LRRTM4: variants seen among roughly 807,000 people sequenced by gnomAD.
LRRTM4 encodes leucine-rich repeat transmembrane neuronal protein 4.
LRRTM4 carries 25 observed loss-of-function variants against 47.6 expected under a neutral mutation model. That is an observed-to-expected ratio of 0.53 (90% CI 0.38 to 0.73). The LOEUF (loss-of-function observed/expected upper bound fraction) is 0.73. Ranked by LOEUF, LRRTM4 falls within the 30% of genes least tolerant of loss-of-function variation. The pLI is 0.00. For synonymous variants in LRRTM4, 311 were observed against 269.5 expected (o/e 1.15, Z -1.51); for missense variants, 638 against 713.4 (o/e 0.89, Z 1.20).
At chr2:77,404,824 A>C (rs930469944) in intron 3 of LRRTM4, among the ~76,000 whole-genome samples, 18 of 152,132 alleles carry the variant, frequency 1.2e-4, no homozygotes, top group African/African-American at 3.9e-4. Context: ...AGCTAATTAA[A>C]AATGGCCACA....
intron 3 of LRRTM4, among the ~76,000 whole-genome samples, chr2:77,312,829 T>A (rs902531436): frequency 7.9e-5 from 12 of 152,228 alleles, no homozygotes; most frequent in Admixed American, 3.3e-4. Context: ...CATTCTAGAA[T>A]ATGTTAAGGG....
At chr2:77,289,195 A>G (rs866544779) in intron 3 of LRRTM4, among the ~76,000 whole-genome samples, 20 of 151,554 alleles carry the variant, frequency 1.3e-4, no homozygotes, top group African/African-American at 4.9e-4. Flanking sequence ...GCATATTTTT[A>G]TAGTTCCTTT....
chr2:77,507,920 A>G (rs1474186782), intron 3 of LRRTM4, among the ~76,000 whole-genome samples: 28 of 152,130 alleles, frequency 1.8e-4, no homozygotes, highest in Non-Finnish European at 1.5e-5. Flanking sequence ...AAAAAGATCT[A>G]TGATGCTGAC....
At chr2:77,447,345 T>C (rs1344952367) in intron 3 of LRRTM4, among the ~76,000 whole-genome samples, 1 of 152,086 alleles carries the variant, frequency 6.6e-6, no homozygotes, top group Non-Finnish European at 1.5e-5. Context: ...TGTGTACAGA[T>C]ATAAATATAT....
chr2:77,105,233 C>T (rs539275249), intron 3 of LRRTM4, among the ~76,000 whole-genome samples: 3 of 151,968 alleles, frequency 2.0e-5, no homozygotes, highest in African/African-American at 7.3e-5. Flanking sequence ...AAAACAGCAA[C>T]GTCTGGAGAT....
intron 3 of LRRTM4, among the ~76,000 whole-genome samples, chr2:77,160,070 T>C (rs972641224): frequency 2.6e-5 from 4 of 152,192 alleles, no homozygotes; most frequent in Admixed American, 2.6e-4. Context: ...CTTGAATTTC[T>C]CCAAGATGCA....
At chr2:76,816,069 G>A (rs1670887719) in intron 3 of LRRTM4, among the ~76,000 whole-genome samples, 1 of 151,880 alleles carries the variant, frequency 6.6e-6, no homozygotes, top group Non-Finnish European at 1.5e-5. Context: ...TACAACCTGG[G>A]GGAGATCAAA....
At chr2:76,839,793 C>A (rs1234067386) in intron 3 of LRRTM4, among the ~76,000 whole-genome samples, 2 of 151,640 alleles carry the variant, frequency 1.3e-5, no homozygotes, top group African/African-American at 4.8e-5. Flanking sequence ...CATCTAAATA[C>A]AATTTTATTT....
chr2:77,090,076 G>A (rs1376570456), intron 3 of LRRTM4, among the ~76,000 whole-genome samples: 1 of 152,032 alleles, frequency 6.6e-6, no homozygotes, highest in Non-Finnish European at 1.5e-5. Flanking sequence ...GCCAGGCTGA[G>A]CTAGGTCCCA....
At chr2:76,894,534 T>C (rs2065375) in intron 3 of LRRTM4, among the ~76,000 whole-genome samples, 54,143 of 151,954 alleles carry the variant, frequency 0.36, 10,485 homozygotes, top group East Asian at 0.72. Context: ...AACAGGTCAG[T>C]TGATTATCCA....
rs1465536053 is a variant in LRRTM4, at chr2:76,884,652, A to G, written c.1552-135736T>C. ...GGTTTTGTTTAAAAAGACAAAAACA[A>G]AACAAACTTAGGCATGGTAGAGAAA... On this transcript the variant is annotated intron_variant, in intron 3 of 3. Coordinates refer to ENST00000409884, the MANE Select transcript of LRRTM4 (RefSeq NM_001134745.3). 2.6e-5 allele frequency among the ~76,000 whole-genome samples: 4 copies of G among 152,324 alleles called. No homozygotes were observed. In the East Asian group the frequency reaches 5.8e-4, roughly 22 times the overall value.
chr2:77,021,519 T>A (rs909488151), intron 3 of LRRTM4, among the ~76,000 whole-genome samples: 2 of 152,172 alleles, frequency 1.3e-5, no homozygotes, highest in African/African-American at 4.8e-5. Context: ...AAAAACGTGA[T>A]AAGTGATTAT....
chr2:77,317,116 G>C (rs1329038793), intron 3 of LRRTM4, among the ~76,000 whole-genome samples: 1 of 151,686 alleles, frequency 6.6e-6, no homozygotes, highest in Non-Finnish European at 1.5e-5. Flanking sequence ...TTACAGTTGA[G>C]ACAATCTTCA....
chr2:77,033,172 G>T (rs1678720824), intron 3 of LRRTM4, among the ~76,000 whole-genome samples: 2 of 151,880 alleles, frequency 1.3e-5, no homozygotes. Context: ...ATAATTCCAA[G>T]GAGCCAATAT....
At chr2:76,762,537 G>A (rs1558636891) in intron 3 of LRRTM4, among the ~76,000 whole-genome samples, 2 of 152,230 alleles carry the variant, frequency 1.3e-5, no homozygotes, top group South Asian at 2.1e-4. Flanking sequence ...TTAATTTTAT[G>A]TGGCTTCTAT....
chr2:77,308,617 G>A (rs550502125), intron 3 of LRRTM4, among the ~76,000 whole-genome samples: 6 of 151,950 alleles, frequency 3.9e-5, no homozygotes, highest in Admixed American at 2.0e-4. Flanking sequence ...CACTATGTAA[G>A]TGAAGAAATA....
intron 3 of LRRTM4, among the ~76,000 whole-genome samples, chr2:77,178,045 T>C (rs1054800015): frequency 3.9e-5 from 6 of 152,240 alleles, no homozygotes; most frequent in Non-Finnish European, 8.8e-5. Flanking sequence ...CTCTTCTTCA[T>C]GCTTAGAAGA....
chr2:77,089,733 C>G (rs183330370), intron 3 of LRRTM4, among the ~76,000 whole-genome samples: 2,658 of 152,176 alleles, frequency 0.017, 21 homozygotes, highest in Non-Finnish European at 0.022. Flanking sequence ...AACCTAAATG[C>G]CTTATTTTCT....
At chr2:77,108,530 T>C (rs1171897136) in intron 3 of LRRTM4, among the ~76,000 whole-genome samples, 1 of 151,952 alleles carries the variant, frequency 6.6e-6, no homozygotes, top group East Asian at 1.9e-4. Context: ...TATTATTGTG[T>C]TCTATTTTAA....
Sources: gnomAD v4.1 joint callset for allele counts (sites outside exome capture counted in the v4.1 genomes callset) on GRCh38, gnomAD v4.1.1 for gene constraint, MANE v1.5 for transcripts, NCBI Gene and HGNC (gene_info 2026-07-23, HGNC 2026-07-21) for gene names.